Variants in TMEM178B observed in about 807,000 individuals in gnomAD.
The protein encoded by TMEM178B is transmembrane protein 178B.
A neutral mutation model predicts 31.0 loss-of-function variants in TMEM178B; 5 were observed. The ratio of observed to expected loss-of-function variants is 0.16; its 90% CI spans 0.08 to 0.34. TMEM178B has a LOEUF of 0.34. Among genes scored for constraint, TMEM178B ranks in the 10% least tolerant of loss-of-function variants. TMEM178B has a pLI of 1.00. For synonymous variants in TMEM178B, 164 were observed against 164.0 expected (o/e 1.00, Z 0.00); for missense variants, 275 against 400.3 (o/e 0.69, Z 2.67).
intron 1 of TMEM178B, among the ~76,000 whole-genome samples, chr7:141,174,735 T>C (rs1320638079): frequency 6.6e-6 from 1 of 152,236 alleles, no homozygotes; most frequent in African/African-American, 2.4e-5. Context: ...TTTTCTCATA[T>C]GTTTGTTGGC....
At chr7:141,348,175 C>T (rs1400687322) in intron 2 of TMEM178B, among the ~76,000 whole-genome samples, 2 of 152,054 alleles carry the variant, frequency 1.3e-5, no homozygotes, top group South Asian at 2.1e-4. Context: ...GGTTTTTTAT[C>T]GTTGTTTCTT....
chr7:141,335,934 G>A (rs1369820712), intron 2 of TMEM178B, among the ~76,000 whole-genome samples: 1 of 152,192 alleles, frequency 6.6e-6, no homozygotes, highest in Non-Finnish European at 1.5e-5. Context: ...TGAGCTCTCT[G>A]CAGGGAGCCA....
intron 1 of TMEM178B, among the ~76,000 whole-genome samples, chr7:141,154,115 G>T (rs1187820325): frequency 6.6e-6 from 1 of 152,228 alleles, no homozygotes; most frequent in African/African-American, 2.4e-5. Flanking sequence ...AACCATCTGA[G>T]ATTTATTTTT....
intron 1 of TMEM178B, among the ~76,000 whole-genome samples, chr7:141,172,755 A>G (rs1796368559): frequency 6.6e-6 from 1 of 152,182 alleles, no homozygotes; most frequent in Non-Finnish European, 1.5e-5. Flanking sequence ...AAGGTGTAGT[A>G]CTTCTAGTCT....
chr7:141,315,057 A>G (rs560319388), intron 2 of TMEM178B, among the ~76,000 whole-genome samples: 4 of 152,290 alleles, frequency 2.6e-5, no homozygotes, highest in African/African-American at 7.2e-5. Context: ...GCTTATGGCC[A>G]CTTGGTTCTG....
At chr7:141,421,863 T>C (rs1403015422) in intron 2 of TMEM178B, among the ~76,000 whole-genome samples, 1 of 152,062 alleles carries the variant, frequency 6.6e-6, no homozygotes, top group Non-Finnish European at 1.5e-5. Flanking sequence ...CACTACAACC[T>C]TTTAAGCCCA....
rs1157716602 is a variant in TMEM178B at position 141,344,939 on chromosome 7, A to G, written c.497-92669A>G. Among the ~76,000 whole-genome samples, 2 of 152,252 alleles carry G rather than the reference A, an allele frequency of 1.3e-5. No homozygotes were observed. Among genetic ancestry groups the G allele is most frequent in the Admixed American group, 1.3e-4 (2 of 15,280 alleles). On this transcript the variant is annotated intron_variant, in intron 2 of 3. Coordinates refer to ENST00000565468, the MANE Select transcript of TMEM178B (RefSeq NM_001195278.2). The surrounding 1 kb of genome is among the most constrained non-coding windows in gnomAD (Gnocchi z 4.1). ...CAGGACCACATCTCTGATGCTACCC[A>G]TTATTTAATTACTAAGCATGAGTTA...
intron 1 of TMEM178B, among the ~76,000 whole-genome samples, chr7:141,104,707 G>A (rs943711555): frequency 6.6e-6 from 1 of 152,126 alleles, no homozygotes; most frequent in South Asian, 2.1e-4. Flanking sequence ...TGGCAGGGCC[G>A]GTTTCTCCAG....
intron 2 of TMEM178B, among the ~76,000 whole-genome samples, chr7:141,308,623 G>T (rs1013585482): frequency 1.3e-5 from 2 of 152,158 alleles, no homozygotes; most frequent in Admixed American, 1.3e-4. Context: ...GGCTGCTTTG[G>T]TTGAGAGTGG....
At chr7:141,179,222 T>A (rs1796479610) in intron 1 of TMEM178B, among the ~76,000 whole-genome samples, 1 of 152,198 alleles carries the variant, frequency 6.6e-6, no homozygotes, top group African/African-American at 2.4e-5. Context: ...AATGCCCTCC[T>A]CCAGCCTAGT....
intron 2 of TMEM178B, among the ~76,000 whole-genome samples, chr7:141,291,761 G>A (rs1008044379): frequency 6.6e-6 from 1 of 152,028 alleles, no homozygotes; most frequent in Non-Finnish European, 1.5e-5. Flanking sequence ...CTCTTTTGGA[G>A]TGCAGAAATT....
chr7:141,370,283 T>C (rs1273191446), intron 2 of TMEM178B, among the ~76,000 whole-genome samples: 1 of 152,206 alleles, frequency 6.6e-6, no homozygotes, highest in East Asian at 1.9e-4. Flanking sequence ...TCTGCGGTTT[T>C]AACTGACCAG....
At chr7:141,117,584 A>T (rs1795339913) in intron 1 of TMEM178B, among the ~76,000 whole-genome samples, 1 of 152,174 alleles carries the variant, frequency 6.6e-6, no homozygotes, top group African/African-American at 2.4e-5. Flanking sequence ...GTCTTTGCCC[A>T]TGCCTATGTC....
Position 141,140,713 on chromosome 7 carries a change from G to T in TMEM178B, c.382+66021G>T, listed in dbSNP as rs530955926. Among the ~76,000 whole-genome samples the T allele has an allele frequency of 2.0e-5, 3 of 152,200 alleles. No homozygotes were observed. The South Asian group carries it at 6.2e-4, about 32-fold the overall frequency. On this transcript the variant is annotated intron_variant, in intron 1 of 3. Coordinates refer to ENST00000565468, the MANE Select transcript of TMEM178B (RefSeq NM_001195278.2). ...AGAATTTGTTTTTGGTGACTTTGACGGTTTTGAGGAGTACTGGTCAGGGAT... is the reference window on the plus strand; with the variant it reads ...AGAATTTGTTTTTGGTGACTTTGACTGTTTTGAGGAGTACTGGTCAGGGAT...
intron 2 of TMEM178B, among the ~76,000 whole-genome samples, chr7:141,297,520 C>T (rs1326868873): frequency 6.6e-6 from 1 of 152,160 alleles, no homozygotes; most frequent in Non-Finnish European, 1.5e-5. Context: ...CCCCACCCCA[C>T]AACAGGCCCC....
intron 2 of TMEM178B, among the ~76,000 whole-genome samples, chr7:141,330,297 C>A (rs1799275611): frequency 1.3e-5 from 2 of 152,120 alleles, no homozygotes; most frequent in Non-Finnish European, 2.9e-5. Flanking sequence ...CCCAACAGGT[C>A]CCAGTGTGTG....
chr7:141,074,515 C>A lies in TMEM178B; in HGVS notation c.205C>A (p.Arg69Ser). The A allele has an allele frequency of 1.3e-6, 2 of 1,536,042 alleles. No homozygotes were observed. Among genetic ancestry groups the A allele is most frequent in the Non-Finnish European group, 8.7e-7 (1 of 1,146,822 alleles). ...CAACAACTTGCCGCTCCGGGCGAGC[C>A]GCTCGCGCCTGGACCGCTGGGAGGG... ...NNNNLPLRAS[R>S]SRLDRWEGKL... Residue 69 changes from arginine to serine, a missense_variant, in exon 1 of 4, where the codon CGC becomes AGC. Physicochemically the swap from Arg to Ser is moderately radical, Grantham distance 110 (BLOSUM62 -1). Coordinates refer to ENST00000565468, the MANE Select transcript of TMEM178B (RefSeq NM_001195278.2). The surrounding 1 kb of genome is among the most constrained non-coding windows in gnomAD (Gnocchi z 5.1).
intron 1 of TMEM178B, among the ~76,000 whole-genome samples, chr7:141,204,390 C>T (rs1796929443): frequency 6.6e-6 from 1 of 152,218 alleles, no homozygotes; most frequent in African/African-American, 2.4e-5. Flanking sequence ...CATAGTTGCT[C>T]AGCGTGGGCT....
At chr7:141,233,623 A>C (rs1347292360) in intron 2 of TMEM178B, among the ~76,000 whole-genome samples, 2 of 152,170 alleles carry the variant, frequency 1.3e-5, no homozygotes, top group Non-Finnish European at 2.9e-5. Flanking sequence ...GAAGAGTCTT[A>C]GGTCCCTTGT....
Sources: allele counts gnomAD v4.1 joint callset (sites outside exome capture counted in the v4.1 genomes callset), GRCh38; gene constraint gnomAD v4.1.1; non-coding constraint Gnocchi (gnomAD v3.1); transcripts MANE v1.5; gene names NCBI Gene and HGNC (gene_info 2026-07-23, HGNC 2026-07-21).